The following VIRMA variants were observed in gnomAD, a reference collection of about 807,000 sequenced individuals.
VIRMA encodes the protein protein virilizer homolog.
In VIRMA, 65 loss-of-function variants were observed where a neutral mutation model predicts 182.4. The observed-to-expected ratio is 0.36, with a 90% CI of 0.29 to 0.44. The LOEUF is 0.44. Ranked by LOEUF, VIRMA falls within the 20% of genes least tolerant of loss-of-function variation. The pLI is 1.00. For synonymous variants in VIRMA, 709 were observed against 743.1 expected (o/e 0.95, Z 0.75); for missense variants, 1,752 against 2,158.1 (o/e 0.81, Z 3.73).
chr8:94,511,346 C>T lies in VIRMA; in HGVS notation c.3229G>A (p.Glu1077Lys), dbSNP rs773464950. 3 of 1,613,756 alleles carry T rather than the reference C, an allele frequency of 1.9e-6. No homozygotes were observed. The South Asian group carries it at 3.3e-5, about 18-fold the overall frequency. The change falls in exon 13 of 24, where the codon GAA becomes AAA. Residue 1077 changes from glutamate (E) to lysine (K), a missense_variant. Physicochemically the swap from Glu to Lys is moderately conservative, Grantham distance 56. Coordinates refer to ENST00000297591, the MANE Select transcript of VIRMA (RefSeq NM_015496.5). ...ILLTFTQGVN[E>K]KLTISEETLA... ...GTCTCTTCTGAGATTGTGAGTTTTTCATTAACTCCTTGTGTAAAAGTCAGT... is the reference window on the plus strand; with the variant it reads ...GTCTCTTCTGAGATTGTGAGTTTTTTATTAACTCCTTGTGTAAAAGTCAGT...
intron 23 of VIRMA, among the ~76,000 whole-genome samples, chr8:94,489,588 T>G (rs1320225752): frequency 6.6e-6 from 1 of 152,220 alleles, no homozygotes; most frequent in Non-Finnish European, 1.5e-5. Context: ...ATGACCTTTA[T>G]GAAGATCCAC....
intron 22 of VIRMA, 25 bp downstream of exon 22, chr8:94,491,553 T>C (rs755162583): frequency 1.3e-6 from 2 of 1,558,702 alleles, no homozygotes; most frequent in Admixed American, 3.4e-5. Context: ...TCTAACCCAT[T>C]AGAAAATACA....
At chr8:94,534,041 T>G (rs1225382439) in intron 5 of VIRMA, 1 of 152,218 alleles carries the variant, frequency 6.6e-6, no homozygotes, top group East Asian at 1.9e-4. Flanking sequence ...GGTCAACTTC[T>G]TACAGTGATT....
At chr8:94,491,027 A>G (rs1474070453) in intron 22 of VIRMA, among the ~76,000 whole-genome samples, 1 of 151,608 alleles carries the variant, frequency 6.6e-6, no homozygotes, top group Non-Finnish European at 1.5e-5. Context: ...TAAAAAGGAA[A>G]ATAAGGCTGA....
At chr8:94,529,370 C>T in intron 6 of VIRMA, 28 bp from the exon 7 acceptor site, 1 of 1,342,298 alleles carries the variant, frequency 7.4e-7, no homozygotes, top group Non-Finnish European at 1.1e-6. Flanking sequence ...AAGGCACAGA[C>T]TATTTTAATG....
rs1460127539 is a variant in VIRMA at position 94,529,142 on chromosome 8, T to C, written c.808A>G (p.Thr270Ala). The change falls in exon 7 of 24, where the codon ACA (threonine) becomes GCA (alanine). Residue 270 changes from threonine to alanine, a missense_variant. By Grantham distance (58) the Thr-to-Ala change is moderately conservative. This residue lies in a region of VIRMA where 114 missense variants were observed against 106.9 expected (regional missense o/e 1.07). Coordinates refer to ENST00000297591, the MANE Select transcript of VIRMA (RefSeq NM_015496.5). ...EEDEDEDDRR[T>A]VDSIPEEEEE... ...TCCTCCTCAGGAATACTGTCTACTG[T>C]TCGTCGATCATCCTCATCCTCATCC... The C allele has an allele frequency of 1.4e-6, 2 of 1,446,640 alleles. No homozygotes were observed. Among genetic ancestry groups the C allele is most frequent in the Non-Finnish European group, 1.9e-6 (2 of 1,028,640 alleles). The allele number at this position is 1,446,640 out of a possible 1,614,324, so 89.6% of individuals were successfully genotyped here. A position where few individuals can be genotyped will look rare whatever the true frequency, so the allele number is the denominator to read the frequency against.
chr8:94,507,885 GTATATATGTA>G (rs777386386), intron 15 of VIRMA, among the ~76,000 whole-genome samples: 1 of 131,314 alleles, frequency 7.6e-6, no homozygotes, highest in African/African-American at 2.5e-5. Flanking sequence ...ATATATACAT[GTATATATGTA>G]TATATATGTA....
intron 16 of VIRMA, 40 bp from the exon 17 acceptor site, chr8:94,499,546 A>C: frequency 7.8e-7 from 1 of 1,288,616 alleles, no homozygotes; most frequent in Non-Finnish European, 1.1e-6. Flanking sequence ...TTATCTTAAA[A>C]TATGAGCATA....
At chr8:94,528,886 AAC>A (rs2130354685) in intron 7 of VIRMA, among the ~76,000 whole-genome samples, 182 bp downstream of exon 7, 1 of 152,360 alleles carries the variant, frequency 6.6e-6, no homozygotes, top group East Asian at 1.9e-4. Flanking sequence ...GATTAAAGTA[AAC>A]ACACAAAGCA....
intron 8 of VIRMA, among the ~76,000 whole-genome samples, chr8:94,519,921 C>T (rs766719927): frequency 1.3e-5 from 2 of 152,058 alleles, no homozygotes; most frequent in Non-Finnish European, 2.9e-5. Context: ...TTTAAAAGTG[C>T]ATCTGATGCC....
intron 17 of VIRMA, chr8:94,499,157 C>T: frequency 3.0e-6 from 1 of 338,286 alleles, no homozygotes; most frequent in Non-Finnish European, 5.3e-6. Flanking sequence ...AGTGATTTAA[C>T]TTACGGCAAA....
At chr8:94,529,563 T>C (rs1455709751) in intron 6 of VIRMA, among the ~76,000 whole-genome samples, 2 of 152,168 alleles carry the variant, frequency 1.3e-5, no homozygotes, top group Non-Finnish European at 2.9e-5. Context: ...CCTTTCTTTT[T>C]AGCTTTTAAG....
At chr8:94,515,441 G>A (rs754586797) in intron 10 of VIRMA, among the ~76,000 whole-genome samples, 8 of 151,904 alleles carry the variant, frequency 5.3e-5, no homozygotes, top group Admixed American at 2.0e-4. Context: ...GTGTGATCAC[G>A]GCTCACTGCA....
At chr8:94,509,032 C>A (rs1466902516) in intron 15 of VIRMA, among the ~76,000 whole-genome samples, 1 of 152,156 alleles carries the variant, frequency 6.6e-6, no homozygotes, top group East Asian at 1.9e-4. Flanking sequence ...CTGAAACACA[C>A]TAAAAGTGTA....
intron 20 of VIRMA, among the ~76,000 whole-genome samples, chr8:94,493,862 A>G (rs972816421): frequency 6.6e-6 from 1 of 152,214 alleles, no homozygotes; most frequent in Admixed American, 6.5e-5. Context: ...GCCTTACCAC[A>G]TCTCTGAGAA....
chr8:94,549,423 TTAAA>T (rs1404037045), intron 1 of VIRMA, among the ~76,000 whole-genome samples: 1 of 152,192 alleles, frequency 6.6e-6, no homozygotes, highest in Non-Finnish European at 1.5e-5. Flanking sequence ...TAAATAATTG[TTAAA>T]CAGATTCTCA....
In VIRMA at chr8:94,497,492, A is replaced by C. The variant is rs1586065194; in HGVS notation, c.4231-1012T>G. 2.6e-5 allele frequency: 4 copies of C among 151,580 alleles called. No individual in the cohort carries two copies. In the South Asian group the frequency reaches 8.4e-4, roughly 32 times the overall value. 9.4% of individuals were successfully genotyped at this position (151,580 alleles called of 1,614,324 possible). ...TGCCCAGGCTGGAGTGCAATGGCGCAATCTCAGCTCACTGCAACCTCTGCC... is the reference window on the plus strand; with the variant it reads ...TGCCCAGGCTGGAGTGCAATGGCGCCATCTCAGCTCACTGCAACCTCTGCC... On this transcript the variant is annotated intron_variant, in intron 17 of 23. Transcript: ENST00000297591.
At chr8:94,517,400 A>G (rs1002249073) in intron 10 of VIRMA, among the ~76,000 whole-genome samples, 10 of 152,122 alleles carry the variant, frequency 6.6e-5, no homozygotes, top group Non-Finnish European at 1.3e-4. Context: ...ATGGAGTTTC[A>G]CCTTGTTGGT....
At position 94,514,866 on chromosome 8, in the gene VIRMA, T is replaced by C. The variant is rs1814507965; in HGVS notation, c.2751+3A>G. On this transcript the variant is annotated splice_donor_region_variant and intron_variant, in intron 11 of 23. Transcript: ENST00000297591. The stretch of plus-strand genomic sequence containing the variant: ...TCAAAGCACTTTTAAGTTTTACACT[T>C]ACCTGCTTAACATACTCAATTAAGT... 3.9e-6 allele frequency: 6 copies of C among 1,538,036 alleles called. No homozygotes were observed. The highest frequency in any genetic ancestry group is 1.7e-4 in the Middle Eastern group (1 of 5,862).
Sources: gnomAD v4.1 joint callset for allele counts (sites outside exome capture counted in the v4.1 genomes callset) on GRCh38, gnomAD v4.1.1 for gene constraint, gnomAD v4.1.1 regional missense constraint, MANE v1.5 for transcripts, NCBI Gene and HGNC (gene_info 2026-07-23, HGNC 2026-07-21) for gene names.